Variants in PIBF1 observed in about 807,000 individuals in gnomAD.
PIBF1 encodes progesterone immunomodulatory binding factor 1, also known as progesterone-induced-blocking factor 1.
A neutral mutation model predicts 112.5 loss-of-function variants in PIBF1; 90 were observed. The ratio of observed to expected loss-of-function variants is 0.80; its 90% CI spans 0.67 to 0.95. PIBF1 has a LOEUF of 0.95. Among genes scored for constraint, PIBF1 ranks in the 40% least tolerant of loss-of-function variants. The pLI, the probability that PIBF1 is intolerant of heterozygous loss-of-function variation, is 0.00. For synonymous variants in PIBF1, 301 were observed against 288.6 expected, an observed-to-expected ratio of 1.04 and a Z score of -0.44; for missense variants, 915 against 852.3, an observed-to-expected ratio of 1.07 and a Z score of -0.92.
At chr13:73,007,006 A>G (rs942153642) in intron 17 of PIBF1, among the ~76,000 whole-genome samples, 1 of 149,082 alleles carries the variant, frequency 6.7e-6, no homozygotes, top group African/African-American at 2.4e-5. Flanking sequence ...TTGTATACAT[A>G]TATATATATA....
Position 72,792,526 on chromosome 13 carries a change from C to T in PIBF1, c.332C>T (p.Ala111Val), listed in dbSNP as rs780882821. 5 of 1,545,364 alleles carry T rather than the reference C, an allele frequency of 3.2e-6. No individual in the cohort carries two copies. The highest frequency in any genetic ancestry group is 4.4e-6 in the Non-Finnish European group (5 of 1,148,396). The change falls in exon 3 of 18, where the codon GCT (alanine) becomes GTT (valine). Residue 111 changes from alanine to valine, a missense_variant. By Grantham distance (64) the Ala-to-Val change is moderately conservative (BLOSUM62 0). Transcript: ENST00000326291. ...LLTLRLDNQLAFQQKDASKYQ... is the reference protein window; with the variant it reads ...LLTLRLDNQLVFQQKDASKYQ... The stretch of plus-strand genomic sequence containing the variant: ...ACATTGAGATTAGACAACCAATTGG[C>T]TTTTCAACAGAAAGATGCCAGGTAA...
chr13:72,860,315 G>C (rs1341428002), intron 10 of PIBF1, among the ~76,000 whole-genome samples: 38 of 27,470 alleles, frequency 1.4e-3, no homozygotes, highest in Admixed American at 7.5e-3. Flanking sequence ...AGGGGTGTGT[G>C]TGTGTGTGTG....
chr13:72,814,692 AG>A (rs557849227), intron 5 of PIBF1, among the ~76,000 whole-genome samples: 185 of 152,172 alleles, frequency 1.2e-3, no homozygotes, highest in African/African-American at 4.2e-3. Flanking sequence ...ACACATTTAA[AG>A]CTATGCCAAA....
At chr13:72,952,154 A>G (rs542545748) in intron 14 of PIBF1, among the ~76,000 whole-genome samples, 5 of 150,864 alleles carry the variant, frequency 3.3e-5, no homozygotes, top group African/African-American at 9.7e-5. Flanking sequence ...GCCAGGTTCA[A>G]GCGATTATCC....
chr13:72,973,260 G>A (rs1278274698), intron 15 of PIBF1, among the ~76,000 whole-genome samples: 1 of 148,874 alleles, frequency 6.7e-6, no homozygotes, highest in Admixed American at 6.7e-5. Context: ...TCCAGCCTGG[G>A]CAACACAGCA....
At chr13:73,012,434 G>C (rs1453295057) in intron 17 of PIBF1, among the ~76,000 whole-genome samples, 1 of 151,978 alleles carries the variant, frequency 6.6e-6, no homozygotes, top group Non-Finnish European at 1.5e-5. Flanking sequence ...CTAACCTTGA[G>C]AATATTTCAG....
intron 8 of PIBF1, among the ~76,000 whole-genome samples, chr13:72,833,303 T>G (rs1201630122): frequency 6.6e-6 from 1 of 152,206 alleles, no homozygotes; most frequent in Non-Finnish European, 1.5e-5. Context: ...TCCAGTTTTG[T>G]TCTCTTGTTG....
intron 14 of PIBF1, among the ~76,000 whole-genome samples, chr13:72,934,332 T>A (rs2041800826): frequency 6.6e-6 from 1 of 152,206 alleles, no homozygotes; most frequent in African/African-American, 2.4e-5. Context: ...AGAGTCTCGC[T>A]CTCTCGCCCA....
intron 15 of PIBF1, among the ~76,000 whole-genome samples, chr13:72,967,495 A>G (rs917859054): frequency 6.6e-6 from 1 of 152,210 alleles, no homozygotes; most frequent in African/African-American, 2.4e-5. Context: ...AACATGCAAC[A>G]TTGTGATAGA....
intron 16 of PIBF1, among the ~76,000 whole-genome samples, chr13:72,980,382 G>T (rs879048721): frequency 6.6e-6 from 1 of 152,196 alleles, no homozygotes; most frequent in Non-Finnish European, 1.5e-5. Context: ...ATCAGGAAGA[G>T]AGTAGAGTCC....
intron 10 of PIBF1, among the ~76,000 whole-genome samples, chr13:72,873,238 A>G (rs9543153): frequency 1.3e-5 from 2 of 152,260 alleles, no homozygotes; most frequent in East Asian, 1.9e-4. Flanking sequence ...TATACAAAAA[A>G]GTGCACCTCC....
At chr13:73,005,654 A>T (rs1199585479) in intron 17 of PIBF1, among the ~76,000 whole-genome samples, 1 of 152,178 alleles carries the variant, frequency 6.6e-6, no homozygotes, top group Non-Finnish European at 1.5e-5. Flanking sequence ...TATAATGAGT[A>T]CAATTGGTTG....
chr13:73,010,810 C>CTTTTTTTTTTTTTTTTTTTT lies in PIBF1; in HGVS notation c.2224-5048_2224-5029dup, dbSNP rs1176079981. 2.2e-3 allele frequency among the ~76,000 whole-genome samples: 90 copies of CTTTTTTTTTTTTTTTTTTTT among 40,306 alleles called. 16 individuals are homozygous for CTTTTTTTTTTTTTTTTTTTT. Among genetic ancestry groups the CTTTTTTTTTTTTTTTTTTTT allele is most frequent in the Non-Finnish European group, 2.8e-3 (64 of 22,540 alleles). 26.4% of individuals were successfully genotyped at this position (40,306 alleles called of 152,430 possible). A position where few individuals can be genotyped will look rare whatever the true frequency, so the allele number is the denominator to read the frequency against. ...CTGAGCTGGAAAATCATTAACTTTTCTTTTTTTTTTTTTTTTTTTTTTTTT... is the reference window on the plus strand; with the variant it reads ...CTGAGCTGGAAAATCATTAACTTTTCTTTTTTTTTTTTTTTTTTTTTTTTTTTTTTTTTTTTTTTTTTTTT... On this transcript the variant is annotated intron_variant, in intron 17 of 17. Transcript: ENST00000326291.
chr13:73,012,351 C>T (rs9530134), intron 17 of PIBF1, among the ~76,000 whole-genome samples: 24,063 of 151,260 alleles, frequency 0.16, 2,195 homozygotes, highest in Non-Finnish European at 0.21. Flanking sequence ...GACTCTGTCT[C>T]AGAAAAAAAA....
In PIBF1 at chr13:72,835,278, A is replaced by T. The variant is rs147863910; in HGVS notation, c.1133A>T (p.His378Leu). 2 of 1,585,206 alleles carry T rather than the reference A, an allele frequency of 1.3e-6. No individual in the cohort carries two copies. The highest frequency in any genetic ancestry group is 1.7e-6 in the Non-Finnish European group (2 of 1,167,640). The change falls in exon 9 of 18, where the codon CAT becomes CTT. Residue 378 changes from histidine (H) to leucine (L), a missense_variant. Physicochemically the swap from His to Leu is moderately conservative, Grantham distance 99. Coordinates refer to ENST00000326291, the MANE Select transcript of PIBF1 (RefSeq NM_006346.4). ...HYKTEYENKL[H>L]DELEQIRLKT... ...AAAACAGAATATGAAAATAAACTACATGATGAACTAGAACAAATCAGATTG... is the reference window on the plus strand; with the variant it reads ...AAAACAGAATATGAAAATAAACTACTTGATGAACTAGAACAAATCAGATTG...
intron 17 of PIBF1, among the ~76,000 whole-genome samples, chr13:73,009,043 C>T (rs752533994): frequency 2.0e-5 from 3 of 152,218 alleles, no homozygotes; most frequent in Non-Finnish European, 4.4e-5. Flanking sequence ...CCTAGATTCC[C>T]TCTTCCTTTC....
chr13:73,002,643 T>C (rs777901917), intron 17 of PIBF1, among the ~76,000 whole-genome samples: 1 of 152,138 alleles, frequency 6.6e-6, no homozygotes, highest in Non-Finnish European at 1.5e-5. Context: ...ATGCAGATAC[T>C]AGCAACTCTA....
chr13:72,995,308 A>G (rs1004468196), intron 16 of PIBF1, among the ~76,000 whole-genome samples: 1 of 152,006 alleles, frequency 6.6e-6, no homozygotes, highest in African/African-American at 2.4e-5. Context: ...CTCAAAAAAA[A>G]AAAAAAAAAG....
chr13:72,969,625 T>C (rs2042838074), intron 15 of PIBF1: 1 of 152,206 alleles, frequency 6.6e-6, no homozygotes, highest in South Asian at 2.1e-4. Flanking sequence ...AATTCAGATA[T>C]GGTAGGATAG....
Sources: allele counts gnomAD v4.1 joint callset (sites outside exome capture counted in the v4.1 genomes callset), GRCh38; gene constraint gnomAD v4.1.1; transcripts MANE v1.5; gene names NCBI Gene and HGNC (gene_info 2026-07-23, HGNC 2026-07-21).